The following OSBPL5 variants were observed in gnomAD, a reference collection of about 807,000 sequenced individuals.
OSBPL5 encodes oxysterol-binding protein-related protein 5.
A neutral mutation model predicts 111.2 loss-of-function variants in OSBPL5; 71 were observed. The ratio of observed to expected loss-of-function variants is 0.64; its 90% CI spans 0.53 to 0.78. OSBPL5 has a LOEUF of 0.78. Among genes scored for constraint, OSBPL5 ranks in the 30% least tolerant of loss-of-function variants. The pLI is 0.00. For synonymous variants in OSBPL5, 549 were observed against 513.9 expected (o/e 1.07, Z -0.93); for missense variants, 1,210 against 1,189.3 (o/e 1.02, Z -0.26).
At chr11:3,112,713 T>C (rs191731615) in intron 7 of OSBPL5, among the ~76,000 whole-genome samples, 12 of 152,342 alleles carry the variant, frequency 7.9e-5, no homozygotes, top group African/African-American at 2.9e-4. Flanking sequence ...AGGTAGTCCC[T>C]ACTACATAAA....
In OSBPL5 at chr11:3,104,702, T is replaced by C. The variant is rs1857636135; in HGVS notation, c.1060-325A>G. On this transcript the variant is annotated intron_variant, in intron 9 of 21. Transcript: ENST00000263650. The surrounding 1 kb of genome is among the most constrained non-coding windows in gnomAD (Gnocchi z 5.0). ...AACACCTGCTGTTGAAACCTGTCTG[T>C]GCATCGTGGGACCCTGGGCCCAGGG... Among the ~76,000 whole-genome samples the C allele has an allele frequency of 6.6e-6, 1 of 152,132 alleles. No individual in the cohort carries two copies. The highest frequency in any genetic ancestry group is 2.1e-4 in the South Asian group (1 of 4,818).
In OSBPL5 at chr11:3,161,602, G is replaced by A. The variant is rs569972395; in HGVS notation, c.-22+3614C>T. The stretch of plus-strand genomic sequence containing the variant: ...GCCCGGAGCAGACTTGCAGGCAACC[G>A]TGCATGGGGACAGACACCGCGCACC... On this transcript the variant is annotated intron_variant, in intron 1 of 21. Coordinates refer to ENST00000263650, the MANE Select transcript of OSBPL5 (RefSeq NM_020896.4). This position sits in a 1 kb window ranked among gnomAD's most constrained non-coding sequence, Gnocchi z 8.0. 1.1e-4 allele frequency among the ~76,000 whole-genome samples: 16 copies of A among 152,278 alleles called. No individual in the cohort carries two copies. The highest frequency in any genetic ancestry group is 1.9e-4 in the Non-Finnish European group (13 of 68,028).
At chr11:3,152,995 T>C (rs1393398523) in intron 1 of OSBPL5, among the ~76,000 whole-genome samples, 3 of 152,086 alleles carry the variant, frequency 2.0e-5, no homozygotes, top group Non-Finnish European at 4.4e-5. Context: ...GGAATGAGCA[T>C]TGACAGCCCC....
chr11:3,098,297 T>A (rs1047674677), intron 14 of OSBPL5, among the ~76,000 whole-genome samples: 3 of 151,562 alleles, frequency 2.0e-5, no homozygotes, highest in Admixed American at 6.6e-5. Context: ...AGGAGATGGT[T>A]CAAATTCTGT....
intron 6 of OSBPL5, chr11:3,120,124 G>A (rs1468898802): frequency 2.6e-5 from 14 of 528,810 alleles, no homozygotes; most frequent in Non-Finnish European, 3.8e-5. Context: ...AGGGCTGGGC[G>A]CTGTTCCTCG....
intron 14 of OSBPL5, among the ~76,000 whole-genome samples, chr11:3,095,087 A>G (rs764417229): frequency 2.0e-5 from 3 of 151,904 alleles, no homozygotes; most frequent in Non-Finnish European, 4.4e-5. Flanking sequence ...GGCTTGAAAC[A>G]CCCCCAAATC....
chr11:3,100,661 G>A (rs1180499003), intron 13 of OSBPL5, among the ~76,000 whole-genome samples: 1 of 152,176 alleles, frequency 6.6e-6, no homozygotes, highest in Non-Finnish European at 1.5e-5. Flanking sequence ...AGTTGGGAAA[G>A]GTGGGCTGAA....
rs556395691 is a variant in OSBPL5, at chr11:3,113,466, C to G, written c.692-5521G>C. ...AGTCAGGAGTTCAAGACCAGTCTGG[C>G]CAACATAGTGAAACCCCATCTCTAC... On this transcript the variant is annotated intron_variant, in intron 7 of 21. Transcript: ENST00000263650. The surrounding 1 kb of genome is among the most constrained non-coding windows in gnomAD (Gnocchi z 4.8). 3.9e-5 allele frequency among the ~76,000 whole-genome samples: 6 copies of G among 152,048 alleles called. No individual in the cohort carries two copies. The highest frequency in any genetic ancestry group is 8.8e-5 in the Non-Finnish European group (6 of 68,028).
At position 3,107,822 on chromosome 11, in the gene OSBPL5, A is replaced by G. The variant is rs1004763512; in HGVS notation, c.815T>C (p.Leu272Pro). The change falls in exon 8 of 22, where the codon CTC becomes CCC. Residue 272 changes from leucine to proline, a missense_variant. By Grantham distance (98) the Leu-to-Pro change is moderately conservative. Transcript: ENST00000263650. The surrounding 1 kb of genome is among the most constrained non-coding windows in gnomAD (Gnocchi z 6.1). ...GTSPDASPSS[L>P]CGLPASATVH... The stretch of plus-strand genomic sequence containing the variant: ...GGTGGCTGAGGCTGGCAGCCCACAG[A>G]GCGATGAGGGTGATGCGTCTGGCGA... The G allele has an allele frequency of 2.5e-6, 4 of 1,612,304 alleles. No homozygotes were observed. The highest frequency in any genetic ancestry group is 3.4e-6 in the Non-Finnish European group (4 of 1,179,956).
rs992840241 is a variant in OSBPL5, at chr11:3,154,699, G to A, written c.-22+10517C>T. On this transcript the variant is annotated intron_variant, in intron 1 of 21. Transcript: ENST00000263650. This position sits in a 1 kb window ranked among gnomAD's most constrained non-coding sequence, Gnocchi z 4.9. ...TAGTCTGACTGCTCCACTACCCATGGTTATGGGCTAAATGTGTCCCCTCAA... is the reference window on the plus strand; with the variant it reads ...TAGTCTGACTGCTCCACTACCCATGATTATGGGCTAAATGTGTCCCCTCAA... 6.6e-6 allele frequency among the ~76,000 whole-genome samples: 1 copy of A among 152,150 alleles called. No homozygotes were observed. The highest frequency in any genetic ancestry group is 1.5e-5 in the Non-Finnish European group (1 of 68,038).
intron 3 of OSBPL5, among the ~76,000 whole-genome samples, chr11:3,125,730 G>A (rs571660369): frequency 2.4e-4 from 36 of 151,762 alleles, no homozygotes; most frequent in African/African-American, 8.0e-4. Context: ...GTGTGAACCC[G>A]GGAGGCGGAG....
rs1045581645 is a variant in OSBPL5, at chr11:3,120,699, G to A, written c.403-75C>T. ...CTGGGGCATCTTGATGGCTTGGCGG[G>A]GAGCCAGGCACAGACCAGGGTGGGC... On this transcript the variant is annotated intron_variant, in intron 5 of 21. Coordinates refer to ENST00000263650, the MANE Select transcript of OSBPL5 (RefSeq NM_020896.4). The A allele has an allele frequency of 1.7e-5, 26 of 1,534,794 alleles. No individual in the cohort carries two copies. In the Admixed American group the frequency reaches 2.4e-4, roughly 14 times the overall value.
rs933214885 is a variant in OSBPL5, at chr11:3,151,605, T to A, written c.-22+13611A>T. ...CCAAGGGGTTGAAGATGAAGCCTCA[T>A]GTACCTTTATTTCCCCCACGGCACA... On this transcript the variant is annotated intron_variant, in intron 1 of 21. Transcript: ENST00000263650. Among the ~76,000 whole-genome samples the A allele has an allele frequency of 2.0e-5, 3 of 152,218 alleles. No individual in the cohort carries two copies. The South Asian group carries it at 6.2e-4, about 31-fold the overall frequency.
chr11:3,100,044 G>A, intron 14 of OSBPL5, 114 bp downstream of exon 14: 1 of 817,170 alleles, frequency 1.2e-6, no homozygotes, highest in Non-Finnish European at 1.9e-6. Flanking sequence ...AAAAGTCATG[G>A]GCAGATGAAG....
rs1187512497 is a variant in OSBPL5 at position 3,110,140 on chromosome 11, CA to C, written c.692-2196del. 1.3e-5 allele frequency among the ~76,000 whole-genome samples: 2 copies of C among 152,192 alleles called. No homozygotes were observed. Among genetic ancestry groups the C allele is most frequent in the East Asian group, 3.9e-4 (2 of 5,188 alleles). Reference sequence around the variant, plus strand: ...CATCTGACCACCAGGGGTGATGTGGCACCGAGACTCCAACCTGAGAGGCACC... The same window carrying C: ...CATCTGACCACCAGGGGTGATGTGGCCCGAGACTCCAACCTGAGAGGCACC... On this transcript the variant is annotated intron_variant, in intron 7 of 21. Coordinates refer to ENST00000263650, the MANE Select transcript of OSBPL5 (RefSeq NM_020896.4). The surrounding 1 kb of genome is among the most constrained non-coding windows in gnomAD (Gnocchi z 5.3).
intron 7 of OSBPL5, 112 bp from the exon 8 acceptor site, chr11:3,108,057 C>T (rs1857776188): frequency 2.1e-6 from 3 of 1,406,514 alleles, no homozygotes; most frequent in Admixed American, 4.3e-5. Context: ...GACCCACCCC[C>T]TCCATCCCAG....
chr11:3,120,274 G>A lies in OSBPL5; in HGVS notation c.606+147C>T, dbSNP rs539740381. 20 of 949,780 alleles carry A rather than the reference G, an allele frequency of 2.1e-5. No individual in the cohort carries two copies. In the East Asian group the frequency reaches 2.4e-4, roughly 11 times the overall value. 58.8% of individuals were successfully genotyped at this position (949,780 alleles called of 1,614,324 possible). On this transcript the variant is annotated intron_variant, in intron 6 of 21. Transcript: ENST00000263650. ...AGTGGCCATATCTGATCCCCTGGCC[G>A]CATGTGGGGCTCAGAGAAGGTGAGA...
At chr11:3,122,226 G>T in intron 4 of OSBPL5, 122 bp downstream of exon 4, 1 of 1,322,480 alleles carries the variant, frequency 7.6e-7, no homozygotes, top group Non-Finnish European at 1.0e-6. Flanking sequence ...AGTAGGGGGT[G>T]TGGAGGCGAC....
At chr11:3,112,354 A>G (rs1858026510) in intron 7 of OSBPL5, among the ~76,000 whole-genome samples, 2 of 152,236 alleles carry the variant, frequency 1.3e-5, no homozygotes, top group Admixed American at 6.5e-5. Flanking sequence ...AGAGGGTGCC[A>G]GACTCCCCTT....
Sources: allele counts gnomAD v4.1 joint callset (sites outside exome capture counted in the v4.1 genomes callset), GRCh38; gene constraint gnomAD v4.1.1; non-coding constraint Gnocchi (gnomAD v3.1); transcripts MANE v1.5; gene names NCBI Gene and HGNC (gene_info 2026-07-23, HGNC 2026-07-21).